Variants in OSBPL11 observed in about 807,000 individuals in gnomAD.
The protein encoded by OSBPL11 is oxysterol binding protein like 11, also known as oxysterol-binding protein-related protein 11.
Under a neutral mutation model 84.4 loss-of-function variants are expected in OSBPL11, and 33 were observed. That is an observed-to-expected ratio of 0.39 (90% CI 0.30 to 0.52). The LOEUF (loss-of-function observed/expected upper bound fraction) is 0.52, where lower values mean the gene tolerates loss of function less well. OSBPL11 is among the 20% of genes least tolerant of loss of function. The probability of loss-of-function intolerance (pLI) is 0.72; values close to 1 mark genes in which losing one functional copy is unlikely to be tolerated. For synonymous variants in OSBPL11, 276 were observed against 310.2 expected, an observed-to-expected ratio of 0.89 and a Z score of 1.16; for missense variants, 736 against 901.1, an observed-to-expected ratio of 0.82 and a Z score of 2.35.
intron 8 of OSBPL11, 67 bp from the exon 9 acceptor site, chr3:125,552,746 C>G (rs1049817324): frequency 6.7e-7 from 1 of 1,493,268 alleles, no homozygotes; most frequent in Admixed American, 2.1e-5. Context: ...GACAACTATT[C>G]TCTCTCTGAA....
chr3:125,545,064 T>C lies in OSBPL11; in HGVS notation c.1841+2342A>G, dbSNP rs564387211. Among the ~76,000 whole-genome samples, 405 of 152,362 alleles carry C rather than the reference T, an allele frequency of 2.7e-3. 3 individuals are homozygous for C. The Middle Eastern group carries it at 0.044, about 17-fold the overall frequency. On this transcript the variant is annotated intron_variant, in intron 10 of 12. Coordinates refer to ENST00000296220, the MANE Select transcript of OSBPL11 (RefSeq NM_022776.5). ...CAGAAAACCACTGGTTATGTTAACT[T>C]AGCTTCAAATAGAAAATATTTTACT... is the stretch of plus-strand genomic sequence containing the variant.
At chr3:125,540,565 T>C (rs1038842325) in intron 10 of OSBPL11, among the ~76,000 whole-genome samples, 1 of 152,160 alleles carries the variant, frequency 6.6e-6, no homozygotes, top group African/African-American at 2.4e-5. Flanking sequence ...CTTCCCTTAC[T>C]TGAAAATTTA....
rs1418521907 is a variant in OSBPL11 at position 125,563,814 on chromosome 3, T to A, written c.898A>T (p.Ile300Leu). ...TTTTTATAGTGGTTTGATAAAGATA[T>A]CTTTGGTTCTAACCACTCGATTGTC... Reference protein sequence around the residue: ...GTTIEWLEPKISLSNHYKNGA... With the variant: ...GTTIEWLEPKLSLSNHYKNGA... The change falls in exon 7 of 13, where the codon ATA (isoleucine) becomes TTA (leucine). Residue 300 changes from isoleucine (I) to leucine (L), a missense_variant. By Grantham distance (5) the Ile-to-Leu change is conservative (BLOSUM62 2). This residue lies in a region of OSBPL11 where 579 missense variants were observed against 717.6 expected (regional missense o/e 0.81). Coordinates refer to ENST00000296220, the MANE Select transcript of OSBPL11 (RefSeq NM_022776.5). 6.2e-7 allele frequency: 1 copy of A among 1,614,054 alleles called. No homozygotes were observed. Among genetic ancestry groups the A allele is most frequent in the Non-Finnish European group, 8.5e-7 (1 of 1,180,028 alleles).
chr3:125,569,277 G>A (rs754374012), intron 5 of OSBPL11, among the ~76,000 whole-genome samples: 9 of 151,950 alleles, frequency 5.9e-5, no homozygotes, highest in Admixed American at 5.2e-4. Context: ...GCTCATCGGG[G>A]GCAAGTGAAA....
At chr3:125,583,442 G>A (rs1189389285) in intron 1 of OSBPL11, among the ~76,000 whole-genome samples, 4 of 151,498 alleles carry the variant, frequency 2.6e-5, no homozygotes, top group South Asian at 2.1e-4. Context: ...TTCATCGGGC[G>A]TGGTGGTGTG....
intron 1 of OSBPL11, 85 bp downstream of exon 1, chr3:125,594,552 C>T: frequency 2.0e-6 from 3 of 1,491,068 alleles, no homozygotes; most frequent in Non-Finnish European, 2.7e-6. Flanking sequence ...AAACTTTTAT[C>T]TTTCAACAAT....
chr3:125,595,291 T>C lies in OSBPL11; in HGVS notation c.-491A>G, dbSNP rs1388146228. ...GCAGTTCCCGCCGCAGCCCCCGAGATACAGCCAGGGCCGGCGCGCGCAGCC... is the reference window on the plus strand; with the variant it reads ...GCAGTTCCCGCCGCAGCCCCCGAGACACAGCCAGGGCCGGCGCGCGCAGCC... On this transcript the variant is annotated 5_prime_UTR_variant, in exon 1 of 13. Coordinates refer to ENST00000296220, the MANE Select transcript of OSBPL11 (RefSeq NM_022776.5). Among the ~76,000 whole-genome samples the C allele has an allele frequency of 1.3e-5, 2 of 151,792 alleles. No individual in the cohort carries two copies. Among genetic ancestry groups the C allele is most frequent in the African/African-American group, 2.4e-5 (1 of 41,412 alleles).
At chr3:125,583,125 G>A (rs1936452810) in intron 1 of OSBPL11, 147 bp from the exon 2 acceptor site, 4 of 559,902 alleles carry the variant, frequency 7.1e-6, no homozygotes, top group Middle Eastern at 4.5e-4. Context: ...TAGGTCAACA[G>A]AGGCATTTAA....
At position 125,565,190 on chromosome 3, in the gene OSBPL11, G is replaced by C. The variant is rs1278146728; in HGVS notation, c.869-1347C>G. ...AGCCTGGGAGGTTGAGCTGCAGTGA[G>C]CCATGATGGTGCCACTGCACTCCCG... On this transcript the variant is annotated intron_variant, in intron 6 of 12. Coordinates refer to ENST00000296220, the MANE Select transcript of OSBPL11 (RefSeq NM_022776.5). Among the ~76,000 whole-genome samples, 4 of 152,110 alleles carry C rather than the reference G, an allele frequency of 2.6e-5. No individual in the cohort carries two copies. In the East Asian group the frequency reaches 7.7e-4, roughly 29 times the overall value.
chr3:125,533,569 A>G (rs1935594358), intron 11 of OSBPL11, among the ~76,000 whole-genome samples: 1 of 152,248 alleles, frequency 6.6e-6, no homozygotes, highest in African/African-American at 2.4e-5. Flanking sequence ...AAGGTTTCCT[A>G]ACACATTTCT....
chr3:125,529,695 G>A lies in OSBPL11; in HGVS notation c.*820C>T, dbSNP rs187466110. The stretch of plus-strand genomic sequence containing the variant: ...TATTTTCTTTAATGCCTTAGTTCTG[G>A]AGAAAGGCTAAAATCTCATCATATT... On this transcript the variant is annotated 3_prime_UTR_variant, in exon 13 of 13. Coordinates refer to ENST00000296220, the MANE Select transcript of OSBPL11 (RefSeq NM_022776.5). 2.0e-5 allele frequency: 3 copies of A among 152,526 alleles called. No individual in the cohort carries two copies. The highest frequency in any genetic ancestry group is 1.9e-4 in the East Asian group (1 of 5,200). 9.4% of individuals were successfully genotyped at this position (152,526 alleles called of 1,614,324 possible). A position where few individuals can be genotyped will look rare whatever the true frequency, so the allele number is the denominator to read the frequency against.
chr3:125,586,876 A>G (rs533051979), intron 1 of OSBPL11, among the ~76,000 whole-genome samples: 1 of 152,312 alleles, frequency 6.6e-6, no homozygotes, highest in East Asian at 1.9e-4. Flanking sequence ...TTTAAAATTA[A>G]GCTACCTTTT....
intron 9 of OSBPL11, among the ~76,000 whole-genome samples, chr3:125,549,690 T>A (rs908354003): frequency 6.6e-6 from 1 of 152,116 alleles, no homozygotes; most frequent in Non-Finnish European, 1.5e-5. Flanking sequence ...TCTCATTATG[T>A]TGCCCAGTCT....
intron 7 of OSBPL11, among the ~76,000 whole-genome samples, chr3:125,562,545 C>T (rs370416554): frequency 1.5e-4 from 23 of 152,166 alleles, no homozygotes; most frequent in African/African-American, 4.3e-4. Flanking sequence ...AAGTAATTTA[C>T]GAATATATAA....
At position 125,568,889 on chromosome 3, in the gene OSBPL11, A is replaced by T. The variant is rs543972101; in HGVS notation, c.667-1294T>A. ...TCCTTTGAACACTAGTTTAGTTCAC[A>T]TAGAAACTCTATATAGTGGACAGAC... On this transcript the variant is annotated intron_variant, in intron 5 of 12. Coordinates refer to ENST00000296220, the MANE Select transcript of OSBPL11 (RefSeq NM_022776.5). Among the ~76,000 whole-genome samples the T allele has an allele frequency of 2.0e-5, 3 of 152,296 alleles. No homozygotes were observed. In the East Asian group the frequency reaches 5.8e-4, roughly 29 times the overall value.
chr3:125,564,657 C>CTT lies in OSBPL11; in HGVS notation c.869-816_869-815dup, dbSNP rs1350380765. ...ATGTAGGAGTAGGAAATGTATTATC[C>CTT]TTTTTTTTTTTTTTTGAGACAGAGT... is the stretch of plus-strand genomic sequence containing the variant. On this transcript the variant is annotated intron_variant, in intron 6 of 12. Coordinates refer to ENST00000296220, the MANE Select transcript of OSBPL11 (RefSeq NM_022776.5). Among the ~76,000 whole-genome samples, 925 of 141,062 alleles carry CTT rather than the reference C, an allele frequency of 6.6e-3. 12 individuals carry two copies. The highest frequency in any genetic ancestry group is 0.012 in the South Asian group (51 of 4,400). The allele number at this position is 141,062 out of a possible 152,430, so 92.5% of individuals were successfully genotyped here.
rs756197529 is a variant in OSBPL11 at position 125,579,051 on chromosome 3, A to G, written c.410-12T>C. ...TTTTGCATCTGTAGCTGTTAAAAGA[A>G]TGTAAAAATTATTTTATATTTATTT... On this transcript the variant is annotated splice_polypyrimidine_tract_variant and intron_variant, in intron 3 of 12. Transcript: ENST00000296220. The G allele has an allele frequency of 1.9e-6, 3 of 1,556,780 alleles. No individual in the cohort carries two copies. The highest frequency in any genetic ancestry group is 2.4e-5 in the South Asian group (2 of 84,234).
At chr3:125,570,038 C>T (rs1264683736) in intron 5 of OSBPL11, among the ~76,000 whole-genome samples, 1 of 151,808 alleles carries the variant, frequency 6.6e-6, no homozygotes, top group Non-Finnish European at 1.5e-5. Context: ...TGTTATAAGC[C>T]AATAAAAGTT....
chr3:125,594,513 G>A, intron 1 of OSBPL11, 124 bp downstream of exon 1: 1 of 1,118,880 alleles, frequency 8.9e-7, no homozygotes, highest in Non-Finnish European at 1.3e-6. Context: ...CAAACGAGAT[G>A]TATCAGTAGC....
Sources: gnomAD v4.1 joint callset for allele counts (sites outside exome capture counted in the v4.1 genomes callset) on GRCh38, gnomAD v4.1.1 for gene constraint, gnomAD v4.1.1 regional missense constraint, MANE v1.5 for transcripts, NCBI Gene and HGNC (gene_info 2026-07-23, HGNC 2026-07-21) for gene names.